PRKCD: variants seen among roughly 807,000 people sequenced by gnomAD.
The protein encoded by PRKCD is protein kinase C delta.
In PRKCD, 20 loss-of-function variants were observed where a neutral mutation model predicts 82.2. That is an observed-to-expected ratio of 0.24 (90% CI 0.17 to 0.35). PRKCD has a LOEUF of 0.35. PRKCD is among the 10% of genes least tolerant of loss of function. The pLI is 1.00. For synonymous variants in PRKCD, 317 were observed against 337.0 expected, an observed-to-expected ratio of 0.94 and a Z score of 0.65; for missense variants, 607 against 899.0, an observed-to-expected ratio of 0.68 and a Z score of 4.15.
chr3:53,181,877 G>A lies in PRKCD; in HGVS notation c.571+145G>A, dbSNP rs782682319. The A allele has an allele frequency of 3.3e-6, 4 of 1,223,730 alleles. No homozygotes were observed. The Admixed American group carries it at 7.9e-5, about 24-fold the overall frequency. The allele number at this position is 1,223,730 out of a possible 1,614,324, so 75.8% of individuals were successfully genotyped here. ...AGTGTAGATACAGCAGCTGAGTTCA[G>A]TGAGTGCTGGGGCTGGCTTGCTGCT... On this transcript the variant is annotated intron_variant, in intron 7 of 18. Transcript: ENST00000330452.
At chr3:53,184,200 T>A (rs1253479158) in intron 9 of PRKCD, among the ~76,000 whole-genome samples, 1 of 151,612 alleles carries the variant, frequency 6.6e-6, no homozygotes, top group African/African-American at 2.4e-5. Flanking sequence ...CCTGGCGTGG[T>A]GGCGGGCGCC....
chr3:53,181,682 C>T lies in PRKCD; in HGVS notation c.540-19C>T, dbSNP rs539861622. The T allele has an allele frequency of 1.9e-6, 3 of 1,612,402 alleles. No homozygotes were observed. The South Asian group carries it at 3.3e-5, about 18-fold the overall frequency. ...TCCCGGTCCCCGCTCACTCACTTTGCCTGGGTTTTGCCTTTCAGGGGCCTC... is the reference window on the plus strand; with the variant it reads ...TCCCGGTCCCCGCTCACTCACTTTGTCTGGGTTTTGCCTTTCAGGGGCCTC... On this transcript the variant is annotated intron_variant, in intron 6 of 18. Transcript: ENST00000330452.
intron 18 of PRKCD, among the ~76,000 whole-genome samples, chr3:53,191,165 G>C (rs1354365336): frequency 6.6e-6 from 1 of 152,200 alleles, no homozygotes; most frequent in Admixed American, 6.5e-5. Context: ...ACTTTGGGAG[G>C]CTGAGGCAGG....
At position 53,189,147 on chromosome 3, in the gene PRKCD, C is replaced by T. The variant is rs1703825032; in HGVS notation, c.1644C>T (p.Phe548=). 3 of 1,614,236 alleles carry T rather than the reference C, an allele frequency of 1.9e-6. No individual in the cohort carries two copies. Among genetic ancestry groups the T allele is most frequent in the South Asian group, 2.2e-5 (2 of 91,078 alleles). ...LYEMLIGQSP[F]HGDDEDELFE... ...AGATGCTCATTGGCCAGTCCCCCTT[C>T]CATGGTGATGATGAGGATGAACTCT... is the stretch of plus-strand genomic sequence containing the variant. Residue 548 remains phenylalanine, a synonymous_variant, in exon 17 of 19, where the codon TTC becomes TTT. Transcript: ENST00000330452.
At position 53,181,198 on chromosome 3, in the gene PRKCD, C is replaced by G. The variant is rs1553667378; in HGVS notation, c.316-9C>G. On this transcript the variant is annotated splice_polypyrimidine_tract_variant and intron_variant, in intron 4 of 18. Coordinates refer to ENST00000330452, the MANE Select transcript of PRKCD (RefSeq NM_006254.4). ...ACCTTGTTCTCCCCTGGCCTCTGGC[C>G]CCCAACAGCTGGACCTGCAGCCTCA... 6.2e-7 allele frequency: 1 copy of G among 1,613,186 alleles called. No individual in the cohort carries two copies. The highest frequency in any genetic ancestry group is 1.7e-5 in the Admixed American group (1 of 59,866).
chr3:53,171,149 C>T (rs538370432), intron 2 of PRKCD, among the ~76,000 whole-genome samples: 1 of 152,176 alleles, frequency 6.6e-6, no homozygotes, highest in Non-Finnish European at 1.5e-5. Flanking sequence ...CACAGAGGCC[C>T]CTTGTCCTCA....
chr3:53,190,848 C>T (rs200126246), intron 18 of PRKCD, among the ~76,000 whole-genome samples: 6 of 152,342 alleles, frequency 3.9e-5, no homozygotes, highest in East Asian at 3.9e-4. Flanking sequence ...CAAACTCAGA[C>T]GTGTCCTGGC....
intron 2 of PRKCD, among the ~76,000 whole-genome samples, chr3:53,172,557 T>C (rs10865978): frequency 0.98 from 149,261 of 152,320 alleles, 73,190 homozygotes; most frequent in East Asian, 1. Flanking sequence ...AGGAGGGCCC[T>C]CACTTTGTGC....
At chr3:53,171,605 C>T (rs1275972847) in intron 2 of PRKCD, among the ~76,000 whole-genome samples, 1 of 152,206 alleles carries the variant, frequency 6.6e-6, no homozygotes. Flanking sequence ...GTTCCATGGG[C>T]CTGGTGTGGC....
Position 53,188,734 on chromosome 3 carries a change from A to C in PRKCD, c.1430A>C (p.Asp477Ala). The stretch of plus-strand genomic sequence containing the variant: ...CCTGTCCTTAGGGACCTCAAACTGG[A>C]CAATGTGCTGCTGGACCGGGATGGC... ...KGIIYRDLKLDNVLLDRDGHI... is the reference protein window; with the variant it reads ...KGIIYRDLKLANVLLDRDGHI... The change falls in exon 16 of 19, where the codon GAC (aspartate) becomes GCC (alanine). Residue 477 changes from aspartate (D) to alanine (A), a missense_variant. This residue lies in a region of PRKCD where 251 missense variants were observed against 423.9 expected (regional missense o/e 0.59). Coordinates refer to ENST00000330452, the MANE Select transcript of PRKCD (RefSeq NM_006254.4). 1 of 1,614,174 alleles carries C rather than the reference A, an allele frequency of 6.2e-7. No homozygotes were observed.
chr3:53,187,305 G>T, intron 14 of PRKCD, 35 bp from the exon 15 acceptor site: 1 of 1,613,316 alleles, frequency 6.2e-7, no homozygotes, highest in Non-Finnish European at 8.5e-7. Flanking sequence ...GCTCGGCAGA[G>T]ATCCCGGAAC....
chr3:53,175,559 C>G (rs1703188090), intron 2 of PRKCD, among the ~76,000 whole-genome samples: 1 of 152,092 alleles, frequency 6.6e-6, no homozygotes, highest in African/African-American at 2.4e-5. Context: ...GATGCAGCAC[C>G]CAGGCGGCCT....
chr3:53,190,405 C>T (rs1384519567), intron 18 of PRKCD, among the ~76,000 whole-genome samples: 2 of 152,152 alleles, frequency 1.3e-5, no homozygotes, highest in African/African-American at 2.4e-5. Context: ...GAAACTTGCA[C>T]ACCTATGACA....
At chr3:53,183,860 G>A (rs1703565024) in intron 9 of PRKCD, among the ~76,000 whole-genome samples, 1 of 152,246 alleles carries the variant, frequency 6.6e-6, no homozygotes, top group South Asian at 2.1e-4. Flanking sequence ...AGTGGGCAGA[G>A]GGTGCTGAAG....
intron 17 of PRKCD, 105 bp from the exon 18 acceptor site, chr3:53,189,762 ACTGGGG>A (rs1703855231): frequency 6.7e-7 from 1 of 1,485,164 alleles, no homozygotes. Context: ...CCCCAGGCTG[ACTGGGG>A]CTGGGGCAAG....
chr3:53,185,487 C>A, intron 10 of PRKCD, 117 bp from the exon 11 acceptor site: 1 of 828,676 alleles, frequency 1.2e-6, no homozygotes, highest in Non-Finnish European at 2.0e-6. Context: ...CTGGGCTGTG[C>A]CCCTGTTGTC....
intron 16 of PRKCD, 36 bp downstream of exon 16, chr3:53,188,894 G>T: frequency 6.2e-7 from 1 of 1,610,290 alleles, no homozygotes; most frequent in South Asian, 1.1e-5. Context: ...CGCTCAGTCA[G>T]GCACCTTGCC....
chr3:53,185,609 C>A lies in PRKCD; in HGVS notation c.894C>A (p.Ala298=). 1 of 1,613,500 alleles carries A rather than the reference C, an allele frequency of 6.2e-7. No homozygotes were observed. The highest frequency in any genetic ancestry group is 8.5e-7 in the Non-Finnish European group (1 of 1,179,990). The part of the protein sequence containing the change: ...AEALNQVTQR[A]SRRSDSASSE... Reference sequence around the variant, plus strand: ...CACCTCTGCTCCCTCCCCAGAGAGCCTCCCGGAGATCAGACTCAGCCTCCT... The same window carrying A: ...CACCTCTGCTCCCTCCCCAGAGAGCATCCCGGAGATCAGACTCAGCCTCCT... The change falls in exon 11 of 19, where the codon GCC becomes GCA. Residue 298 remains alanine, a synonymous_variant. Transcript: ENST00000330452.
At chr3:53,184,690 A>AAAAG (rs1553668585) in intron 9 of PRKCD, among the ~76,000 whole-genome samples, 184 bp from the exon 10 acceptor site, 1 of 148,812 alleles carries the variant, frequency 6.7e-6, no homozygotes, top group African/African-American at 2.5e-5. Context: ...AAAAAAAAAA[A>AAAAG]AGAGAGAGAG....
Sources: gnomAD v4.1 joint callset for allele counts (sites outside exome capture counted in the v4.1 genomes callset) on GRCh38, gnomAD v4.1.1 for gene constraint, gnomAD v4.1.1 regional missense constraint, MANE v1.5 for transcripts, NCBI Gene and HGNC (gene_info 2026-07-23, HGNC 2026-07-21) for gene names.